SH3PXD2A: variants seen among roughly 807,000 people sequenced by gnomAD.
SH3PXD2A encodes SH3 and PX domain-containing protein 2A.
Under a neutral mutation model 115.2 loss-of-function variants are expected in SH3PXD2A, and 32 were observed. The ratio of observed to expected loss-of-function variants is 0.28; its 90% CI spans 0.21 to 0.37. The LOEUF is 0.37. Among genes scored for constraint, SH3PXD2A ranks in the 10% least tolerant of loss-of-function variants. The probability of loss-of-function intolerance (pLI) is 1.00; values close to 1 mark genes in which losing one functional copy is unlikely to be tolerated. For missense variants in SH3PXD2A, 1,328 were observed against 1,498.7 expected, an observed-to-expected ratio of 0.89 and a Z score of 1.88; for synonymous variants, 610 against 629.1, an observed-to-expected ratio of 0.97 and a Z score of 0.45.
At chr10:103,649,395 C>T (rs148766506) in intron 8 of SH3PXD2A, among the ~76,000 whole-genome samples, 117 of 152,334 alleles carry the variant, frequency 7.7e-4, no homozygotes, top group Admixed American at 1.4e-3. Flanking sequence ...GCTCCTCTTA[C>T]GCAAAGCCTG....
Position 103,839,600 on chromosome 10 carries a change from C to T in SH3PXD2A, c.72+15595G>A, listed in dbSNP as rs1589479325. Among the ~76,000 whole-genome samples, 3 of 150,398 alleles carry T rather than the reference C, an allele frequency of 2.0e-5. No homozygotes were observed. The East Asian group carries it at 5.9e-4, about 29-fold the overall frequency. On this transcript the variant is annotated intron_variant, in intron 1 of 14. Transcript: ENST00000369774. Reference sequence around the variant, plus strand: ...CCACACAGCCCCTCCCCCAAGCCCACACAGCCCCACCCCCAAGGCCACGCA... The same window carrying T: ...CCACACAGCCCCTCCCCCAAGCCCATACAGCCCCACCCCCAAGGCCACGCA...
At chr10:103,837,364 A>C (rs74157358) in intron 1 of SH3PXD2A, among the ~76,000 whole-genome samples, 10,289 of 152,164 alleles carry the variant, frequency 0.068, 407 homozygotes, top group African/African-American at 0.11. Context: ...GAAGTTTGCT[A>C]TCCTAGTTGG....
Position 103,797,620 on chromosome 10 carries a change from TACATGCAGGGCTTC to T in SH3PXD2A, c.153+3648_153+3661del, listed in dbSNP as rs1383808643. Among the ~76,000 whole-genome samples the T allele has an allele frequency of 2.0e-5, 3 of 151,406 alleles. No homozygotes were observed. In the South Asian group the frequency reaches 6.3e-4, roughly 32 times the overall value. Reference sequence around the variant, plus strand: ...CTGAGACTGTTCATTTCCAAGGATCTACATGCAGGGCTTCACATGCAGGGCAGTTAGGTCCAGGC... The same window carrying T: ...CTGAGACTGTTCATTTCCAAGGATCTACATGCAGGGCAGTTAGGTCCAGGC... On this transcript the variant is annotated intron_variant, in intron 2 of 14. Coordinates refer to ENST00000369774, the MANE Select transcript of SH3PXD2A (RefSeq NM_001394015.1).
At chr10:103,740,036 A>G (rs562533019) in intron 3 of SH3PXD2A, among the ~76,000 whole-genome samples, 4 of 152,246 alleles carry the variant, frequency 2.6e-5, no homozygotes, top group Admixed American at 2.6e-4. Context: ...AAGCCCTAAG[A>G]TTGATTGACA....
intron 3 of SH3PXD2A, chr10:103,736,770 G>A (rs2038385295): frequency 1.6e-6 from 2 of 1,289,166 alleles, no homozygotes; most frequent in Non-Finnish European, 2.0e-6. Flanking sequence ...GGCACATGAT[G>A]AAGTGCTCAC....
chr10:103,651,595 G>A (rs2037124103), intron 8 of SH3PXD2A, among the ~76,000 whole-genome samples: 1 of 152,176 alleles, frequency 6.6e-6, no homozygotes, highest in Admixed American at 6.5e-5. Flanking sequence ...GTGCAACCTT[G>A]GGGCAAGTCA....
intron 3 of SH3PXD2A, among the ~76,000 whole-genome samples, chr10:103,742,349 C>A (rs2134193595): frequency 6.6e-6 from 1 of 152,306 alleles, no homozygotes; most frequent in East Asian, 1.9e-4. Context: ...ACATGGCCTT[C>A]CCGCCCCATG....
At chr10:103,805,973 G>A (rs1472500855) in intron 1 of SH3PXD2A, among the ~76,000 whole-genome samples, 1 of 152,258 alleles carries the variant, frequency 6.6e-6, no homozygotes, top group Non-Finnish European at 1.5e-5. Flanking sequence ...AGAGCTGACA[G>A]AGAGCTGTCC....
At chr10:103,822,735 C>T (rs2039394077) in intron 1 of SH3PXD2A, among the ~76,000 whole-genome samples, 1 of 152,154 alleles carries the variant, frequency 6.6e-6, no homozygotes, top group African/African-American at 2.4e-5. Context: ...AAGGAACAAT[C>T]CTCTAAACCC....
chr10:103,714,776 C>T (rs2038086089), intron 5 of SH3PXD2A, among the ~76,000 whole-genome samples: 1 of 152,250 alleles, frequency 6.6e-6, no homozygotes, highest in African/African-American at 2.4e-5. Flanking sequence ...CAGGGGGCTG[C>T]AAGGACAGTG....
intron 3 of SH3PXD2A, among the ~76,000 whole-genome samples, chr10:103,741,975 T>A (rs944885516): frequency 6.6e-6 from 1 of 151,922 alleles, no homozygotes; most frequent in Non-Finnish European, 1.5e-5. Context: ...TGAGACCCTG[T>A]CTCTACAAAA....
At chr10:103,749,077 G>C (rs2038543493) in intron 3 of SH3PXD2A, among the ~76,000 whole-genome samples, 2 of 151,972 alleles carry the variant, frequency 1.3e-5, no homozygotes, top group Non-Finnish European at 2.9e-5. Context: ...TTTTAGTAGA[G>C]ATGGGGTTTC....
chr10:103,733,942 A>G (rs2038352328), intron 4 of SH3PXD2A, among the ~76,000 whole-genome samples: 1 of 150,936 alleles, frequency 6.6e-6, no homozygotes, highest in South Asian at 2.1e-4. Context: ...TTTTTTGGAG[A>G]GATGAGGTCT....
At chr10:103,693,105 C>G (rs901586438) in intron 5 of SH3PXD2A, 49 bp from the exon 6 acceptor site, 6 of 1,574,616 alleles carry the variant, frequency 3.8e-6, no homozygotes, top group Non-Finnish European at 5.2e-6. Context: ...CGGGCGCGAG[C>G]GCGGGGCTGC....
At chr10:103,799,964 G>A (rs1298141747) in intron 2 of SH3PXD2A, among the ~76,000 whole-genome samples, 1 of 152,142 alleles carries the variant, frequency 6.6e-6, no homozygotes, top group African/African-American at 2.4e-5. Context: ...TGTCTCATAG[G>A]TAGGGCAATG....
At chr10:103,836,262 A>G (rs950962362) in intron 1 of SH3PXD2A, among the ~76,000 whole-genome samples, 1 of 152,136 alleles carries the variant, frequency 6.6e-6, no homozygotes, top group Non-Finnish European at 1.5e-5. Context: ...GGGGCTCTCA[A>G]GGATAAAAGA....
intron 5 of SH3PXD2A, among the ~76,000 whole-genome samples, chr10:103,718,315 C>T (rs1182177158): frequency 2.6e-5 from 4 of 152,200 alleles, no homozygotes; most frequent in Non-Finnish European, 5.9e-5. Context: ...CCGCACGGGG[C>T]CAAGGGCATG....
chr10:103,602,109 CA>C lies in SH3PXD2A; in HGVS notation c.3108del (p.Ala1037ProfsTer81). On this transcript the variant is annotated frameshift_variant, in exon 15 of 15. Coordinates refer to ENST00000369774, the MANE Select transcript of SH3PXD2A (RefSeq NM_001394015.1). LOFTEE classifies it high-confidence loss of function. The part of the protein sequence containing the change: ...AEAKGRLAER[A>X]ASQGSDSPLL... Reference sequence around the variant, plus strand: ...AGGGGTGAGTCTGAACCCTGGCTGGCAGCCCGTTCGGCCAGGCGGCCCTTGG... The same window carrying C: ...AGGGGTGAGTCTGAACCCTGGCTGGCGCCCGTTCGGCCAGGCGGCCCTTGG... 6.3e-7 allele frequency: 1 copy of C among 1,589,268 alleles called. No homozygotes were observed. Among genetic ancestry groups the C allele is most frequent in the Non-Finnish European group, 8.6e-7 (1 of 1,165,184 alleles).
chr10:103,811,546 G>A (rs2039271122), intron 1 of SH3PXD2A, among the ~76,000 whole-genome samples: 1 of 152,236 alleles, frequency 6.6e-6, no homozygotes, highest in Non-Finnish European at 1.5e-5. Flanking sequence ...TTTGTAACAA[G>A]TAATGAAGCT....
Sources: allele counts gnomAD v4.1 joint callset (sites outside exome capture counted in the v4.1 genomes callset), GRCh38; gene constraint gnomAD v4.1.1; transcripts MANE v1.5; gene names NCBI Gene and HGNC (gene_info 2026-07-23, HGNC 2026-07-21).